The following KCNQ5 variants were observed in gnomAD, a reference collection of about 807,000 sequenced individuals.
KCNQ5 encodes potassium voltage-gated channel subfamily Q member 5.
In KCNQ5, 30 loss-of-function variants were observed where a neutral mutation model predicts 98.2. The observed-to-expected ratio is 0.31, with a 90% CI of 0.23 to 0.41. The LOEUF is 0.41. Among genes scored for constraint, KCNQ5 ranks in the 10% least tolerant of loss-of-function variants. The pLI is 1.00. For synonymous variants in KCNQ5, 458 were observed against 449.4 expected, an observed-to-expected ratio of 1.02 and a Z score of -0.24; for missense variants, 835 against 1,182.5, an observed-to-expected ratio of 0.71 and a Z score of 4.31.
At chr6:73,022,893 T>G (rs1770667914) in intron 2 of KCNQ5, among the ~76,000 whole-genome samples, 1 of 152,128 alleles carries the variant, frequency 6.6e-6, no homozygotes, top group African/African-American at 2.4e-5. Context: ...AAAGGAAGAT[T>G]GAAACAGAGA....
intron 1 of KCNQ5, among the ~76,000 whole-genome samples, chr6:72,760,677 T>C (rs532898668): frequency 1.2e-4 from 18 of 152,160 alleles, no homozygotes; most frequent in Non-Finnish European, 2.4e-4. Flanking sequence ...GGGGCGGGTA[T>C]TATTTTTTCA....
Position 73,195,471 on chromosome 6 carries a change from A to T in KCNQ5, c.*57A>T. On this transcript the variant is annotated 3_prime_UTR_variant, in exon 14 of 14. Transcript: ENST00000370398. ...CTTTAGCCATACATATCATTGCATG[A>T]ACTATTTCGAAAGCCCTTCTAAAAA... 6.5e-7 allele frequency: 1 copy of T among 1,547,328 alleles called. No individual in the cohort carries two copies.
intron 1 of KCNQ5, among the ~76,000 whole-genome samples, chr6:72,918,633 C>A (rs1349975723): frequency 6.6e-6 from 1 of 151,986 alleles, no homozygotes; most frequent in Admixed American, 6.6e-5. Context: ...GCTGGCCCTA[C>A]CTTCCTTTCC....
Position 73,194,457 on chromosome 6 carries a change from G to C in KCNQ5, c.1842G>C (p.Gln614His). Reference protein sequence around the residue: ...GRVVKVEKQVQSIESKLDCLL... With the variant: ...GRVVKVEKQVHSIESKLDCLL... ...ACCATTTTCCTCACTTCTAGGTACAGTCCATAGAATCCAAGCTGGACTGCC... is the reference window on the plus strand; with the variant it reads ...ACCATTTTCCTCACTTCTAGGTACACTCCATAGAATCCAAGCTGGACTGCC... The change falls in exon 14 of 14, where the codon CAG becomes CAC. Residue 614 changes from glutamine (Q) to histidine (H), a missense_variant. Gln to His is a conservative substitution (Grantham distance 24). Transcript: ENST00000370398. The C allele has an allele frequency of 6.2e-7, 1 of 1,612,890 alleles. No individual in the cohort carries two copies. Among genetic ancestry groups the C allele is most frequent in the South Asian group, 1.1e-5 (1 of 91,006 alleles).
chr6:73,030,642 G>T (rs1401358752), intron 2 of KCNQ5, among the ~76,000 whole-genome samples: 2 of 152,190 alleles, frequency 1.3e-5, no homozygotes, highest in Non-Finnish European at 2.9e-5. Flanking sequence ...AATGTTTTCT[G>T]TTTTGCTAGG....
At chr6:73,024,966 A>G (rs2150342699) in intron 2 of KCNQ5, among the ~76,000 whole-genome samples, 1 of 152,318 alleles carries the variant, frequency 6.6e-6, no homozygotes, top group Non-Finnish European at 1.5e-5. Context: ...GCTTTTCTTA[A>G]TATTTTGAAC....
chr6:73,069,135 T>C (rs1056121547), intron 3 of KCNQ5, among the ~76,000 whole-genome samples: 90 of 152,306 alleles, frequency 5.9e-4, no homozygotes, highest in African/African-American at 2.1e-3. Flanking sequence ...TTAGTCATTG[T>C]TTCTTCTTCC....
chr6:72,712,582 G>T (rs1769424322), intron 1 of KCNQ5, among the ~76,000 whole-genome samples: 1 of 152,134 alleles, frequency 6.6e-6, no homozygotes, highest in African/African-American at 2.4e-5. Context: ...TTCTCAGCCT[G>T]GGTGGATATA....
chr6:72,988,653 T>C (rs1313590629), intron 1 of KCNQ5, among the ~76,000 whole-genome samples: 7 of 148,262 alleles, frequency 4.7e-5, no homozygotes, highest in African/African-American at 1.8e-4. Flanking sequence ...GATTTTCTTT[T>C]TTTTTTTTTT....
intron 1 of KCNQ5, among the ~76,000 whole-genome samples, chr6:72,734,171 TG>T (rs1328265281): frequency 6.6e-6 from 1 of 152,228 alleles, no homozygotes; most frequent in African/African-American, 2.4e-5. Context: ...GCTGTAACTT[TG>T]ATTGCAGAGG....
intron 7 of KCNQ5, among the ~76,000 whole-genome samples, chr6:73,118,332 G>A (rs555076066): frequency 6.6e-6 from 1 of 152,292 alleles, no homozygotes; most frequent in South Asian, 2.1e-4. Flanking sequence ...CCATGTTGTT[G>A]TGTGTAGCTA....
At chr6:72,650,390 A>G (rs899817563) in intron 1 of KCNQ5, among the ~76,000 whole-genome samples, 35 of 152,142 alleles carry the variant, frequency 2.3e-4, no homozygotes, top group Non-Finnish European at 1.5e-4. Context: ...ACTATTTCAA[A>G]TACCTTGAAA....
intron 1 of KCNQ5, among the ~76,000 whole-genome samples, chr6:72,925,417 T>C (rs1780592308): frequency 6.6e-6 from 1 of 152,224 alleles, no homozygotes; most frequent in Non-Finnish European, 1.5e-5. Context: ...CATCTTGTAA[T>C]AATGTCCCTA....
chr6:72,792,763 C>G (rs997950363), intron 1 of KCNQ5, among the ~76,000 whole-genome samples: 1 of 152,108 alleles, frequency 6.6e-6, no homozygotes, highest in Non-Finnish European at 1.5e-5. Flanking sequence ...TATTTCAAGG[C>G]TATTTCAGCA....
At chr6:73,080,837 C>T (rs1161740639) in intron 5 of KCNQ5, among the ~76,000 whole-genome samples, 1 of 152,126 alleles carries the variant, frequency 6.6e-6, no homozygotes, top group Non-Finnish European at 1.5e-5. Flanking sequence ...TCAATACTAA[C>T]TCTGGAACTC....
intron 2 of KCNQ5, among the ~76,000 whole-genome samples, chr6:73,016,843 C>T (rs999260640): frequency 6.6e-6 from 1 of 152,148 alleles, no homozygotes; most frequent in African/African-American, 2.4e-5. Context: ...TACTACATAG[C>T]TGCAGGTTAC....
At chr6:72,656,447 C>T (rs560457535) in intron 1 of KCNQ5, among the ~76,000 whole-genome samples, 33 of 152,234 alleles carry the variant, frequency 2.2e-4, no homozygotes, top group Admixed American at 1.0e-3. Flanking sequence ...TTTCATGAAG[C>T]TCAGTTTCCC....
At chr6:72,634,578 G>T (rs2098922892) in intron 1 of KCNQ5, among the ~76,000 whole-genome samples, 1 of 152,048 alleles carries the variant, frequency 6.6e-6, no homozygotes, top group Non-Finnish European at 1.5e-5. Flanking sequence ...TTGTTTGTTT[G>T]TTTTAGAGAC....
chr6:72,910,520 C>A (rs1309087289), intron 1 of KCNQ5, among the ~76,000 whole-genome samples: 2 of 150,742 alleles, frequency 1.3e-5, no homozygotes, highest in African/African-American at 2.4e-5. Context: ...TAAACCTAAA[C>A]CTTTTCAATT....
Sources: allele counts gnomAD v4.1 joint callset (sites outside exome capture counted in the v4.1 genomes callset), GRCh38; gene constraint gnomAD v4.1.1; transcripts MANE v1.5; gene names NCBI Gene and HGNC (gene_info 2026-07-23, HGNC 2026-07-21).